Variants in THRB observed in about 807,000 individuals in gnomAD.
THRB encodes thyroid hormone receptor beta.
A neutral mutation model predicts 47.8 loss-of-function variants in THRB; 12 were observed. The observed-to-expected ratio is 0.25, with a 90% CI of 0.16 to 0.41. The LOEUF (loss-of-function observed/expected upper bound fraction) is 0.41, where lower values mean the gene tolerates loss of function less well. Ranked by LOEUF, THRB falls within the 10% of genes least tolerant of loss-of-function variation. THRB has a pLI of 1.00. For missense variants in THRB, 348 were observed against 589.2 expected, an observed-to-expected ratio of 0.59 and a Z score of 4.24; for synonymous variants, 218 against 212.2, an observed-to-expected ratio of 1.03 and a Z score of -0.24.
chr3:24,216,191 G>T (rs1575979666), intron 4 of THRB, among the ~76,000 whole-genome samples: 1 of 152,324 alleles, frequency 6.6e-6, no homozygotes, highest in African/African-American at 2.4e-5. Flanking sequence ...ATGCACTGCT[G>T]CAGGGCCACA....
chr3:24,269,437 ACAC>A (rs2150615648), intron 3 of THRB, among the ~76,000 whole-genome samples: 1 of 143,412 alleles, frequency 7.0e-6, no homozygotes, highest in South Asian at 2.2e-4. Flanking sequence ...ACACACACAC[ACAC>A]ACTTAAGTTA....
intron 4 of THRB, among the ~76,000 whole-genome samples, chr3:24,218,362 T>TAAA (rs745492721): frequency 3.1e-5 from 4 of 128,436 alleles, no homozygotes; most frequent in African/African-American, 1.0e-4. Context: ...TTTTTTTTTT[T>TAAA]AAAAAGAAAA....
chr3:24,191,818 A>C (rs986504371), intron 4 of THRB, among the ~76,000 whole-genome samples: 6 of 152,264 alleles, frequency 3.9e-5, no homozygotes, highest in African/African-American at 1.2e-4. Context: ...ATAGTAACAA[A>C]GTAACAATCA....
At position 24,185,197 on chromosome 3, in the gene THRB, G is replaced by GAATAATCTATAATAAAC. The variant is rs1303616327; in HGVS notation, c.283+4876_283+4877insGTTTATTATAGATTATT. On this transcript the variant is annotated intron_variant, in intron 5 of 10. Coordinates refer to ENST00000646209, the MANE Select transcript of THRB (RefSeq NM_001354712.2). The stretch of plus-strand genomic sequence containing the variant: ...TAATAAAGTATGATACATCTATAAA[G>GAATAATCTATAATAAAC]AAGAATAATCTATAGCCAATGAAAG... Among the ~76,000 whole-genome samples, 93 of 151,948 alleles carry GAATAATCTATAATAAAC rather than the reference G, an allele frequency of 6.1e-4. 1 individual carries two copies. Among genetic ancestry groups the GAATAATCTATAATAAAC allele is most frequent in the Non-Finnish European group, 1.1e-3 (77 of 67,980 alleles).
At chr3:24,477,825 AC>A (rs1695719008) in intron 1 of THRB, among the ~76,000 whole-genome samples, 1 of 150,386 alleles carries the variant, frequency 6.6e-6, no homozygotes, top group South Asian at 2.1e-4. Flanking sequence ...CATAACCTAC[AC>A]CCGCCCAAAA....
At chr3:24,248,823 T>A (rs907784995) in intron 3 of THRB, among the ~76,000 whole-genome samples, 1 of 152,172 alleles carries the variant, frequency 6.6e-6, no homozygotes. Flanking sequence ...CTTGAGTTCT[T>A]AGGTCCTACT....
intron 4 of THRB, among the ~76,000 whole-genome samples, chr3:24,211,044 C>T (rs975526072): frequency 2.0e-5 from 3 of 151,874 alleles, no homozygotes; most frequent in Admixed American, 1.3e-4. Flanking sequence ...ACTAAAAATA[C>T]AAAAATTAGC....
At chr3:24,221,078 G>T (rs1018458983) in intron 4 of THRB, among the ~76,000 whole-genome samples, 3 of 152,222 alleles carry the variant, frequency 2.0e-5, no homozygotes, top group African/African-American at 7.2e-5. Context: ...AACACAGCCA[G>T]ATTCCAGAGC....
At chr3:24,212,577 C>CAAAAAAAAAAAAAAAAAA (rs1199010853) in intron 4 of THRB, among the ~76,000 whole-genome samples, 1 of 84,098 alleles carries the variant, frequency 1.2e-5, no homozygotes, top group Non-Finnish European at 2.3e-5. Context: ...GACTCCGTCT[C>CAAAAAAAAAAAAAAAAAA]AAAAAAAAAA....
intron 1 of THRB, among the ~76,000 whole-genome samples, chr3:24,481,208 T>C (rs1015394425): frequency 5.3e-5 from 8 of 150,672 alleles, no homozygotes; most frequent in Admixed American, 2.0e-4. Flanking sequence ...AGTTTTTATA[T>C]GTGTGGATGC....
chr3:24,443,570 T>C (rs1469806174), intron 1 of THRB, among the ~76,000 whole-genome samples: 2 of 152,060 alleles, frequency 1.3e-5, no homozygotes, highest in Admixed American at 1.3e-4. Context: ...CTCAAACAAA[T>C]ATGGAATACA....
chr3:24,271,294 C>T (rs1451673838), intron 3 of THRB, among the ~76,000 whole-genome samples: 2 of 152,142 alleles, frequency 1.3e-5, no homozygotes, highest in East Asian at 3.8e-4. Flanking sequence ...TCAGAACTTG[C>T]TCTTTTTTCT....
intron 1 of THRB, among the ~76,000 whole-genome samples, chr3:24,362,044 G>A (rs776207698): frequency 3.3e-5 from 5 of 152,124 alleles, no homozygotes; most frequent in South Asian, 2.1e-4. Flanking sequence ...ATCAATTACC[G>A]AATGCTTACA....
chr3:24,304,360 T>C (rs111640273), intron 2 of THRB, among the ~76,000 whole-genome samples: 20 of 152,130 alleles, frequency 1.3e-4, no homozygotes, highest in African/African-American at 4.6e-4. Context: ...GCAAATAAAA[T>C]TGATTTTAAA....
At chr3:24,385,635 C>A (rs1384042762) in intron 1 of THRB, among the ~76,000 whole-genome samples, 1 of 152,124 alleles carries the variant, frequency 6.6e-6, no homozygotes, top group African/African-American at 2.4e-5. Flanking sequence ...TGCACACTCA[C>A]TCTAGCAACT....
chr3:24,230,301 G>A (rs2048123023), intron 3 of THRB, among the ~76,000 whole-genome samples: 1 of 152,184 alleles, frequency 6.6e-6, no homozygotes, highest in Non-Finnish European at 1.5e-5. Flanking sequence ...TTATGGCAGA[G>A]ACTGCCTTTC....
At chr3:24,135,847 A>ATATATATATATATATAAATT (rs371175625) in intron 8 of THRB, among the ~76,000 whole-genome samples, 20 of 130,978 alleles carry the variant, frequency 1.5e-4, no homozygotes, top group South Asian at 1.4e-3. Flanking sequence ...ATATATATAT[A>ATATATATATATATATAAATT]ATACATAAAT....
At position 24,117,420 on chromosome 3, in the gene THRB, C is replaced by T. The variant is rs2030867597; in HGVS notation, c.*5464G>A. The T allele has an allele frequency of 6.6e-6, 1 of 152,272 alleles. No individual in the cohort carries two copies. The allele number at this position is 152,272 out of a possible 1,614,324, so 9.4% of individuals were successfully genotyped here. A position where few individuals can be genotyped will look rare whatever the true frequency, so the allele number is the denominator to read the frequency against. ...GCTGACTGTCCCTCTTTCCCCTCAC[C>T]CAGTTCCAGGATTCCTGAGGATAAG... On this transcript the variant is annotated 3_prime_UTR_variant, in exon 11 of 11. Transcript: ENST00000646209.
intron 1 of THRB, among the ~76,000 whole-genome samples, chr3:24,357,282 G>A (rs1413627164): frequency 8.5e-6 from 1 of 117,430 alleles, no homozygotes; most frequent in African/African-American, 3.2e-5. Context: ...AAGGAGTCAA[G>A]CAGAAAGGTA....
Sources: gnomAD v4.1 joint callset for allele counts (sites outside exome capture counted in the v4.1 genomes callset) on GRCh38, gnomAD v4.1.1 for gene constraint, MANE v1.5 for transcripts, NCBI Gene and HGNC (gene_info 2026-07-23, HGNC 2026-07-21) for gene names.